Variants in NLK observed in about 807,000 individuals in gnomAD.
NLK encodes the protein serine/threonine-protein kinase NLK.
Under a neutral mutation model 59.0 loss-of-function variants are expected in NLK, and 11 were observed. That is an observed-to-expected ratio of 0.19 (90% CI 0.12 to 0.31). NLK has a LOEUF of 0.31. Among genes scored for constraint, NLK ranks in the 10% least tolerant of loss-of-function variants. The pLI is 1.00. For missense variants in NLK, 410 were observed against 661.1 expected, an observed-to-expected ratio of 0.62 and a Z score of 4.16; for synonymous variants, 235 against 235.9, an observed-to-expected ratio of 1.00 and a Z score of 0.03.
intron 1 of NLK, among the ~76,000 whole-genome samples, chr17:28,114,938 C>T (rs1905697365): frequency 6.6e-6 from 1 of 152,112 alleles, no homozygotes; most frequent in African/African-American, 2.4e-5. Context: ...GAAGAAAACA[C>T]TAAGATATCA....
chr17:28,103,990 A>C (rs201546193), intron 1 of NLK, among the ~76,000 whole-genome samples: 2 of 152,188 alleles, frequency 1.3e-5, no homozygotes, highest in Non-Finnish European at 2.9e-5. Flanking sequence ...CTAGTGATAA[A>C]TGTGTTTATT....
intron 1 of NLK, among the ~76,000 whole-genome samples, chr17:28,121,035 TA>T (rs1347642476): frequency 6.6e-6 from 1 of 152,222 alleles, no homozygotes; most frequent in African/African-American, 2.4e-5. Flanking sequence ...TTCTAAACTT[TA>T]ATTAATAACT....
downstream of NLK, among the ~76,000 whole-genome samples, chr17:28,199,643 A>C (rs1318652764): frequency 7.5e-6 from 1 of 133,808 alleles, no homozygotes; most frequent in Non-Finnish European, 1.6e-5. Context: ...TCCAGCCTGG[A>C]TGACAGAGTG....
Position 28,043,233 on chromosome 17 carries a change from A to G in NLK, c.360A>G (p.Thr120=). Reference sequence around the variant, plus strand: ...AGGTACAGGCTGCCGCAGCTGCTACAGTTAAGGCGCACCATCATCAGCACT... The same window carrying G: ...AGGTACAGGCTGCCGCAGCTGCTACGGTTAAGGCGCACCATCATCAGCACT... ...PAQVQAAAAA[T]VKAHHHQHSH... is the part of the protein sequence containing the mutation. The change falls in exon 1 of 11, where the codon ACA becomes ACG. Residue 120 remains threonine, a synonymous_variant. Transcript: ENST00000407008. 1 of 1,613,978 alleles carries G rather than the reference A, an allele frequency of 6.2e-7. No individual in the cohort carries two copies. The highest frequency in any genetic ancestry group is 8.5e-7 in the Non-Finnish European group (1 of 1,179,884).
At chr17:28,084,654 C>T (rs1379181448) in intron 1 of NLK, among the ~76,000 whole-genome samples, 1 of 152,124 alleles carries the variant, frequency 6.6e-6, no homozygotes, top group Non-Finnish European at 1.5e-5. Context: ...ACCTCCACCT[C>T]CCAGGTTCAA....
intron 5 of NLK, 49 bp downstream of exon 5, chr17:28,163,677 G>A (rs754914980): frequency 1.6e-5 from 17 of 1,083,600 alleles, no homozygotes; most frequent in Admixed American, 2.1e-5. Context: ...GAATGTCAGG[G>A]CAGGTTTAAG....
At chr17:28,116,890 C>A (rs924483211) in intron 1 of NLK, among the ~76,000 whole-genome samples, 6 of 152,152 alleles carry the variant, frequency 3.9e-5, no homozygotes, top group Admixed American at 2.0e-4. Flanking sequence ...CCTCTTCTTG[C>A]CTAGACAAAG....
intron 3 of NLK, among the ~76,000 whole-genome samples, chr17:28,140,793 A>G (rs537527312): frequency 6.6e-6 from 1 of 151,384 alleles, no homozygotes; most frequent in South Asian, 2.1e-4. Flanking sequence ...CTACTCCCCT[A>G]CCCCACCCCC....
Position 28,138,765 on chromosome 17 carries a change from T to G in NLK, c.644+6090T>G, listed in dbSNP as rs115313612. Reference sequence around the variant, plus strand: ...TTATTGCATAAACATAAGCATCAACTGTGTTTCCACATTCAGGAAATTCTG... The same window carrying G: ...TTATTGCATAAACATAAGCATCAACGGTGTTTCCACATTCAGGAAATTCTG... On this transcript the variant is annotated intron_variant, in intron 3 of 10. Coordinates refer to ENST00000407008, the MANE Select transcript of NLK (RefSeq NM_016231.5). Among the ~76,000 whole-genome samples the G allele has an allele frequency of 4.0e-3, 617 of 152,346 alleles. 7 individuals are homozygous for G. Among genetic ancestry groups the G allele is most frequent in the African/African-American group, 0.014 (593 of 41,564 alleles).
intron 1 of NLK, among the ~76,000 whole-genome samples, chr17:28,079,570 C>T (rs1039888898): frequency 6.6e-6 from 1 of 152,064 alleles, no homozygotes; most frequent in South Asian, 2.1e-4. Flanking sequence ...CCTAGCAATA[C>T]CTCATTGTGG....
intron 2 of NLK, among the ~76,000 whole-genome samples, chr17:28,130,367 G>A (rs1249727513): frequency 6.6e-6 from 1 of 152,064 alleles, no homozygotes; most frequent in East Asian, 1.9e-4. Flanking sequence ...ACTGTAGAAT[G>A]CCATCCTCTG....
chr17:28,133,612 C>T (rs1246587997), intron 3 of NLK, among the ~76,000 whole-genome samples: 2 of 152,146 alleles, frequency 1.3e-5, no homozygotes, highest in East Asian at 3.8e-4. Flanking sequence ...CCCTGACATT[C>T]CTGGGCAAAG....
chr17:28,120,272 G>A (rs7219965), intron 1 of NLK, among the ~76,000 whole-genome samples: 2 of 128,162 alleles, frequency 1.6e-5, no homozygotes, highest in Non-Finnish European at 1.7e-5. Flanking sequence ...GTGTGTGTGT[G>A]TATGTGTGTG....
intron 1 of NLK, among the ~76,000 whole-genome samples, chr17:28,091,245 CAT>C (rs1415289835): frequency 6.6e-6 from 1 of 152,004 alleles, no homozygotes; most frequent in East Asian, 1.9e-4. Context: ...TGGCTACAGT[CAT>C]ATGTATCAAA....
intron 1 of NLK, among the ~76,000 whole-genome samples, chr17:28,104,635 A>C (rs979271696): frequency 6.6e-6 from 1 of 152,108 alleles, no homozygotes; most frequent in East Asian, 1.9e-4. Context: ...TTTTTTGCCC[A>C]TATCACTTTG....
chr17:28,077,973 A>G (rs138258438), intron 1 of NLK, among the ~76,000 whole-genome samples: 42 of 152,270 alleles, frequency 2.8e-4, no homozygotes, highest in African/African-American at 8.2e-4. Flanking sequence ...ATATGAAACA[A>G]TTCTTAAGAG....
At chr17:28,056,547 G>A (rs1171991018) in intron 1 of NLK, among the ~76,000 whole-genome samples, 3 of 152,200 alleles carry the variant, frequency 2.0e-5, no homozygotes, top group Admixed American at 6.5e-5. Context: ...ACGTGCATCT[G>A]AGAAAAACCA....
At chr17:28,136,999 GA>G (rs1345718809) in intron 3 of NLK, among the ~76,000 whole-genome samples, 1 of 144,246 alleles carries the variant, frequency 6.9e-6, no homozygotes, top group Admixed American at 7.0e-5. Flanking sequence ...TTTTCTCCTT[GA>G]AAAATAAAAA....
Position 28,181,103 on chromosome 17 carries a change from A to T in NLK, c.1150-4076A>T, listed in dbSNP as rs573764719. On this transcript the variant is annotated intron_variant, in intron 7 of 10. Transcript: ENST00000407008. ...ACCCTGTCTCTACAAAAAAATTTTT[A>T]AAAAAGTTAGTGAGGGTGGGTGCGG... Among the ~76,000 whole-genome samples, 113 of 152,254 alleles carry T rather than the reference A, an allele frequency of 7.4e-4. 4 individuals carry two copies. In the South Asian group the frequency reaches 0.018, roughly 25 times the overall value.
Sources: gnomAD v4.1 joint callset for allele counts (sites outside exome capture counted in the v4.1 genomes callset) on GRCh38, gnomAD v4.1.1 for gene constraint, MANE v1.5 for transcripts, NCBI Gene and HGNC (gene_info 2026-07-23, HGNC 2026-07-21) for gene names.